Variants in WWOX observed in about 807,000 individuals in gnomAD.
WWOX encodes the protein WW domain containing oxidoreductase.
In WWOX, 69 loss-of-function variants were observed where a neutral mutation model predicts 46.2. The ratio of observed to expected loss-of-function variants is 1.49; its 90% confidence interval spans 1.23 to 1.82. The LOEUF (loss-of-function observed/expected upper bound fraction) is 1.82, where lower values mean the gene tolerates loss of function less well. Among genes scored for constraint, WWOX ranks in the 40% most tolerant of loss-of-function variants. WWOX has a pLI of 0.00. For synonymous variants in WWOX, 359 were observed against 202.6 expected (o/e 1.77, Z -6.56); for missense variants, 919 against 542.6 (o/e 1.69, Z -6.89).
Position 79,140,390 on chromosome 16 carries a change from G to C in WWOX, c.1057-71218G>C, listed in dbSNP as rs185289935. Among the ~76,000 whole-genome samples the C allele has an allele frequency of 1.8e-4, 28 of 152,268 alleles. 1 individual carries two copies. Among genetic ancestry groups the C allele is most frequent in the Admixed American group, 1.6e-3 (25 of 15,292 alleles). Reference sequence around the variant, plus strand: ...CGAACTTCCACCGCAGCATCCGCCAGCTCTTATAATCACTTGCCCTTTGCT... The same window carrying C: ...CGAACTTCCACCGCAGCATCCGCCACCTCTTATAATCACTTGCCCTTTGCT... On this transcript the variant is annotated intron_variant, in intron 8 of 8. Coordinates refer to ENST00000566780, the MANE Select transcript of WWOX (RefSeq NM_016373.4).
At chr16:78,578,380 C>T (rs2096345570) in intron 8 of WWOX, among the ~76,000 whole-genome samples, 1 of 146,386 alleles carries the variant, frequency 6.8e-6, no homozygotes, top group African/African-American at 2.5e-5. Flanking sequence ...AGCTCCGCCT[C>T]CCGGGTTCAC....
At chr16:78,555,017 C>A (rs1181101167) in intron 8 of WWOX, among the ~76,000 whole-genome samples, 1 of 152,178 alleles carries the variant, frequency 6.6e-6, no homozygotes, top group Non-Finnish European at 1.5e-5. Context: ...CAGACAACTT[C>A]TGGCTCCCTT....
At chr16:79,079,244 A>G (rs1459347575) in intron 8 of WWOX, among the ~76,000 whole-genome samples, 1 of 152,222 alleles carries the variant, frequency 6.6e-6, no homozygotes, top group African/African-American at 2.4e-5. Flanking sequence ...GAAAGAATGG[A>G]GATAAGACAG....
chr16:78,937,126 C>G (rs556204749), intron 8 of WWOX, among the ~76,000 whole-genome samples: 4 of 152,166 alleles, frequency 2.6e-5, no homozygotes, highest in Middle Eastern at 3.4e-3. Context: ...ATTCCAATTC[C>G]TAGATTTAAA....
intron 8 of WWOX, among the ~76,000 whole-genome samples, chr16:79,048,270 C>G (rs1020462096): frequency 1.3e-5 from 2 of 152,058 alleles, no homozygotes; most frequent in Non-Finnish European, 2.9e-5. Context: ...AAAAGTGATC[C>G]TGAACCTCTC....
At chr16:79,111,286 C>T (rs1031499763) in intron 8 of WWOX, among the ~76,000 whole-genome samples, 1 of 152,182 alleles carries the variant, frequency 6.6e-6, no homozygotes, top group African/African-American at 2.4e-5. Flanking sequence ...CTGCAGATTC[C>T]TTTTTCTCAT....
chr16:78,564,014 G>T (rs1281692383), intron 8 of WWOX, among the ~76,000 whole-genome samples: 1 of 152,142 alleles, frequency 6.6e-6, no homozygotes, highest in East Asian at 1.9e-4. Flanking sequence ...TTACTTCTGG[G>T]TGCGAACAAG....
chr16:78,952,918 C>G (rs942765682), intron 8 of WWOX, among the ~76,000 whole-genome samples: 1 of 152,124 alleles, frequency 6.6e-6, no homozygotes, highest in South Asian at 2.1e-4. Flanking sequence ...CAAAGGGAAA[C>G]CTGAAGCTGG....
At chr16:79,008,232 T>C (rs912580622) in intron 8 of WWOX, among the ~76,000 whole-genome samples, 1 of 152,150 alleles carries the variant, frequency 6.6e-6, no homozygotes, top group Non-Finnish European at 1.5e-5. Context: ...ACAGATGACC[T>C]CACAACATGA....
rs79771882 is a variant in WWOX, at chr16:78,432,581, G to A, written c.885G>A (p.Arg295=). 8.9e-3 allele frequency: 14,381 copies of A among 1,614,140 alleles called. 114 individuals carry two copies. Among genetic ancestry groups the A allele is most frequent in the Non-Finnish European group, 8.9e-3 (10,447 of 1,180,040 alleles). Reference sequence around the variant, plus strand: ...ATTGGGCGATGCTGGCTTATAACAGGTCCAAGCTCTGCAACATCCTCTTCT... The same window carrying A: ...ATTGGGCGATGCTGGCTTATAACAGATCCAAGCTCTGCAACATCCTCTTCT... ...NDYWAMLAYN[R]SKLCNILFSN... The change falls in exon 8 of 9, where the codon AGG becomes AGA. Residue 295 remains arginine, a synonymous_variant. Coordinates refer to ENST00000566780, the MANE Select transcript of WWOX (RefSeq NM_016373.4).
intron 8 of WWOX, among the ~76,000 whole-genome samples, chr16:78,610,167 C>T (rs1480804556): frequency 1.3e-5 from 2 of 152,132 alleles, no homozygotes; most frequent in East Asian, 1.9e-4. Context: ...TTAATGGATT[C>T]GCTTGATATA....
intron 5 of WWOX, among the ~76,000 whole-genome samples, chr16:78,252,409 T>C (rs2064550395): frequency 1.3e-5 from 2 of 152,240 alleles, no homozygotes; most frequent in South Asian, 4.1e-4. Context: ...TGATTTATAA[T>C]TTATTAAAAA....
intron 5 of WWOX, among the ~76,000 whole-genome samples, chr16:78,217,624 A>G (rs1340752928): frequency 6.6e-6 from 1 of 152,166 alleles, no homozygotes; most frequent in Non-Finnish European, 1.5e-5. Flanking sequence ...GAGGGCTCAG[A>G]AGAGAAATCT....
In WWOX at chr16:78,627,425, C is replaced by G. The variant is rs74786319; in HGVS notation, c.1056+194673C>G. Among the ~76,000 whole-genome samples, 477 of 152,268 alleles carry G rather than the reference C, an allele frequency of 3.1e-3. 11 individuals carry two copies. In the East Asian group the frequency reaches 0.074, roughly 24 times the overall value. On this transcript the variant is annotated intron_variant, in intron 8 of 8. Transcript: ENST00000566780. ...GTCCTCTCTATACCATAGTTTATGA[C>G]AAGGGGTTTTCTGTGGCTGGTCTCC...
At chr16:79,122,317 T>C (rs2049652351) in intron 8 of WWOX, among the ~76,000 whole-genome samples, 1 of 152,176 alleles carries the variant, frequency 6.6e-6, no homozygotes, top group African/African-American at 2.4e-5. Context: ...AGTCCCTTGT[T>C]CAGGCGGCAT....
At chr16:78,958,413 C>T (rs1406136070) in intron 8 of WWOX, among the ~76,000 whole-genome samples, 3 of 152,144 alleles carry the variant, frequency 2.0e-5, no homozygotes, top group Non-Finnish European at 4.4e-5. Flanking sequence ...GGATAGAGTT[C>T]ATGGATGTTC....
At chr16:78,770,006 T>C (rs1192217079) in intron 8 of WWOX, among the ~76,000 whole-genome samples, 1 of 152,088 alleles carries the variant, frequency 6.6e-6, no homozygotes, top group Non-Finnish European at 1.5e-5. Flanking sequence ...ATCTCACCTC[T>C]GTACTACAGC....
intron 8 of WWOX, among the ~76,000 whole-genome samples, chr16:79,150,448 A>C (rs899595604): frequency 2.0e-5 from 3 of 152,170 alleles, no homozygotes; most frequent in Admixed American, 6.5e-5. Context: ...TGCTGTGTAT[A>C]CGATGATAAA....
chr16:78,140,787 A>G (rs1463890644), intron 4 of WWOX, among the ~76,000 whole-genome samples: 1 of 152,234 alleles, frequency 6.6e-6, no homozygotes, highest in Non-Finnish European at 1.5e-5. Flanking sequence ...ATTCTGAGGT[A>G]CTGGGCTTAG....
Sources: gnomAD v4.1 joint callset for allele counts (sites outside exome capture counted in the v4.1 genomes callset) on GRCh38, gnomAD v4.1.1 for gene constraint, MANE v1.5 for transcripts, NCBI Gene and HGNC (gene_info 2026-07-23, HGNC 2026-07-21) for gene names.